Variants in CNTNAP2 observed in about 807,000 individuals in gnomAD.
CNTNAP2 encodes the protein contactin-associated protein-like 2.
CNTNAP2 carries 98 observed loss-of-function variants against 155.2 expected under a neutral mutation model. The ratio of observed to expected loss-of-function variants is 0.63; its 90% confidence interval spans 0.54 to 0.75. The LOEUF (loss-of-function observed/expected upper bound fraction) is 0.75, where lower values mean the gene tolerates loss of function less well. Among genes scored for constraint, CNTNAP2 ranks in the 30% least tolerant of loss-of-function variants. CNTNAP2 has a pLI of 0.00. For synonymous variants in CNTNAP2, 651 were observed against 631.2 expected, an observed-to-expected ratio of 1.03 and a Z score of -0.47; for missense variants, 1,727 against 1,688.1, an observed-to-expected ratio of 1.02 and a Z score of -0.40.
At chr7:146,662,874 C>T (rs77669573) in intron 1 of CNTNAP2, among the ~76,000 whole-genome samples, 1 of 152,074 alleles carries the variant, frequency 6.6e-6, no homozygotes, top group Non-Finnish European at 1.5e-5. Flanking sequence ...ATCAACTGAC[C>T]TTATATTTGC....
intron 4 of CNTNAP2, chr7:147,080,785 T>A (rs1431696355): frequency 6.6e-6 from 1 of 151,198 alleles, no homozygotes; most frequent in Non-Finnish European, 1.5e-5. Flanking sequence ...TCAATTAGAA[T>A]CAGTCTCCCC....
At chr7:147,234,350 T>A (rs1337962899) in intron 8 of CNTNAP2, among the ~76,000 whole-genome samples, 3 of 147,794 alleles carry the variant, frequency 2.0e-5, no homozygotes, top group Admixed American at 2.0e-4. Context: ...TTTTTTTTTT[T>A]TTTTTGAGAA....
intron 3 of CNTNAP2, among the ~76,000 whole-genome samples, chr7:146,917,050 A>G (rs1796408331): frequency 6.6e-6 from 1 of 152,110 alleles, no homozygotes; most frequent in Non-Finnish European, 1.5e-5. Context: ...GAAATTTTTA[A>G]TTTCCTTCTG....
At chr7:146,522,003 C>A (rs1426518333) in intron 1 of CNTNAP2, among the ~76,000 whole-genome samples, 1 of 151,484 alleles carries the variant, frequency 6.6e-6, no homozygotes, top group African/African-American at 2.4e-5. Context: ...CAATGCAATT[C>A]TCAGTCATTT....
chr7:147,401,404 T>A (rs556027975), intron 10 of CNTNAP2, among the ~76,000 whole-genome samples: 2 of 152,336 alleles, frequency 1.3e-5, no homozygotes, highest in South Asian at 4.1e-4. Flanking sequence ...CCCAGTTTTT[T>A]TTTAATTCAA....
rs1363709317 is a variant in CNTNAP2, at chr7:146,644,507, T to A, written c.98-129764T>A. Among the ~76,000 whole-genome samples the A allele has an allele frequency of 4.6e-5, 7 of 152,212 alleles. No homozygotes were observed. The East Asian group carries it at 7.7e-4, about 17-fold the overall frequency. ...GCCTTGCATCCCAGGGATGAAGCCC[T>A]CTTGATCATGGTGGATAAGGTTTTT... On this transcript the variant is annotated intron_variant, in intron 1 of 23. Coordinates refer to ENST00000361727, the MANE Select transcript of CNTNAP2 (RefSeq NM_014141.6).
chr7:148,365,722 G>T lies in CNTNAP2; in HGVS notation c.3476-17927G>T, dbSNP rs1375147190. Among the ~76,000 whole-genome samples, 121 of 47,452 alleles carry T rather than the reference G, an allele frequency of 2.5e-3. 30 individuals are homozygous for T. The highest frequency in any genetic ancestry group is 6.2e-3 in the African/African-American group (118 of 18,946). The allele number at this position is 47,452 out of a possible 152,430, so 31.1% of individuals were successfully genotyped here. A position where few individuals can be genotyped will look rare whatever the true frequency, so the allele number is the denominator to read the frequency against. ...TGTATACTTTTATATATATGTATAC[G>T]TGTATATATGTATGTGTATACATGT... is the stretch of plus-strand genomic sequence containing the variant. On this transcript the variant is annotated intron_variant, in intron 21 of 23. Transcript: ENST00000361727.
At chr7:148,119,725 C>T (rs905181135) in intron 16 of CNTNAP2, among the ~76,000 whole-genome samples, 6 of 152,108 alleles carry the variant, frequency 3.9e-5, no homozygotes, top group African/African-American at 1.4e-4. Flanking sequence ...TCCTAATTTT[C>T]TGATTTATAA....
chr7:146,407,744 C>T (rs1362909228), intron 1 of CNTNAP2, among the ~76,000 whole-genome samples: 1 of 151,964 alleles, frequency 6.6e-6, no homozygotes, highest in Admixed American at 6.6e-5. Context: ...TGGCTATGAA[C>T]TGCACGGTTC....
intron 1 of CNTNAP2, among the ~76,000 whole-genome samples, chr7:146,484,467 C>CT (rs1456664397): frequency 4.6e-5 from 7 of 152,062 alleles, no homozygotes; most frequent in Non-Finnish European, 1.0e-4. Flanking sequence ...TTGTTTTAAA[C>CT]TTTTTTGTTT....
At chr7:148,225,032 A>G (rs1471807391) in intron 19 of CNTNAP2, among the ~76,000 whole-genome samples, 6 of 152,160 alleles carry the variant, frequency 3.9e-5, no homozygotes, top group Non-Finnish European at 7.4e-5. Flanking sequence ...CAGCCAAACC[A>G]TATCAGAGAC....
At chr7:146,291,273 G>A (rs140895993) in intron 1 of CNTNAP2, among the ~76,000 whole-genome samples, 36 of 152,314 alleles carry the variant, frequency 2.4e-4, no homozygotes, top group African/African-American at 8.4e-4. Context: ...CCTGCAAACT[G>A]TATCTCATGG....
At chr7:148,054,686 A>G (rs1408395337) in intron 15 of CNTNAP2, among the ~76,000 whole-genome samples, 2 of 152,000 alleles carry the variant, frequency 1.3e-5, no homozygotes, top group Admixed American at 1.3e-4. Flanking sequence ...AATAAGATCT[A>G]TAGTTCTTTG....
intron 2 of CNTNAP2, among the ~76,000 whole-genome samples, chr7:146,820,316 G>T (rs1173774942): frequency 6.6e-6 from 1 of 152,070 alleles, no homozygotes; most frequent in Non-Finnish European, 1.5e-5. Flanking sequence ...ATTATGTTTT[G>T]AGGAATTAAT....
intron 1 of CNTNAP2, among the ~76,000 whole-genome samples, chr7:146,366,294 C>A (rs541126927): frequency 5.3e-5 from 8 of 151,922 alleles, no homozygotes; most frequent in African/African-American, 1.7e-4. Flanking sequence ...TTTTTAAATG[C>A]CAGAATTATA....
At chr7:147,498,860 C>A (rs1798760020) in intron 11 of CNTNAP2, among the ~76,000 whole-genome samples, 1 of 152,056 alleles carries the variant, frequency 6.6e-6, no homozygotes, top group Non-Finnish European at 1.5e-5. Context: ...AAATGAATAT[C>A]AGGTAGTAAA....
At chr7:146,895,462 A>T (rs1280611979) in intron 3 of CNTNAP2, among the ~76,000 whole-genome samples, 1 of 152,096 alleles carries the variant, frequency 6.6e-6, no homozygotes, top group Non-Finnish European at 1.5e-5. Flanking sequence ...TTAGGATGTA[A>T]TTAGCTATAT....
chr7:146,934,022 A>T (rs1179606233), intron 3 of CNTNAP2, among the ~76,000 whole-genome samples: 3 of 152,176 alleles, frequency 2.0e-5, no homozygotes, highest in Non-Finnish European at 4.4e-5. Context: ...CCCTTGTGGA[A>T]GTCAGTGTGG....
chr7:146,831,931 T>G (rs1803521162), intron 2 of CNTNAP2, among the ~76,000 whole-genome samples: 1 of 152,182 alleles, frequency 6.6e-6, no homozygotes, highest in Non-Finnish European at 1.5e-5. Context: ...TGTTTGAACC[T>G]TATTTATATA....
Sources: gnomAD v4.1 joint callset for allele counts (sites outside exome capture counted in the v4.1 genomes callset) on GRCh38, gnomAD v4.1.1 for gene constraint, MANE v1.5 for transcripts, NCBI Gene and HGNC (gene_info 2026-07-23, HGNC 2026-07-21) for gene names.